The following BMERB1 variants were observed in gnomAD, a reference collection of about 807,000 sequenced individuals.
BMERB1 encodes the protein bMERB domain-containing protein 1.
Under a neutral mutation model 23.6 loss-of-function variants are expected in BMERB1, and 12 were observed. The ratio of observed to expected loss-of-function variants is 0.51; its 90% CI spans 0.33 to 0.82. The LOEUF (loss-of-function observed/expected upper bound fraction) is 0.82. Ranked by LOEUF, BMERB1 falls within the 40% of genes least tolerant of loss-of-function variation. The pLI, the probability that BMERB1 is intolerant of heterozygous loss-of-function variation, is 0.03. For synonymous variants in BMERB1, 122 were observed against 96.6 expected (o/e 1.26, Z -1.54); for missense variants, 247 against 255.4 (o/e 0.97, Z 0.22).
At chr16:15,489,678 G>C (rs1393419489) in intron 1 of BMERB1, among the ~76,000 whole-genome samples, 1 of 152,086 alleles carries the variant, frequency 6.6e-6, no homozygotes, top group Non-Finnish European at 1.5e-5. Context: ...TTTCTGACGT[G>C]GGTCCTCCAT....
chr16:15,555,074 C>A (rs566590938), intron 2 of BMERB1, among the ~76,000 whole-genome samples: 1 of 152,118 alleles, frequency 6.6e-6, no homozygotes, highest in East Asian at 1.9e-4. Context: ...TGGAAACCCA[C>A]GTCAAGAAAA....
intron 2 of BMERB1, among the ~76,000 whole-genome samples, chr16:15,546,026 C>T (rs1374743934): frequency 6.6e-6 from 1 of 152,102 alleles, no homozygotes; most frequent in Non-Finnish European, 1.5e-5. Flanking sequence ...GGGGCTCACG[C>T]CTGTAATCCC....
At chr16:15,528,445 A>G (rs1300118838) in intron 2 of BMERB1, among the ~76,000 whole-genome samples, 1 of 152,168 alleles carries the variant, frequency 6.6e-6, no homozygotes, top group Non-Finnish European at 1.5e-5. Context: ...AAACATTTAC[A>G]CCATAGCAAA....
At chr16:15,449,238 T>G (rs1309491961) in intron 1 of BMERB1, among the ~76,000 whole-genome samples, 1 of 152,214 alleles carries the variant, frequency 6.6e-6, no homozygotes, top group East Asian at 1.9e-4. Context: ...CTATGGTCTT[T>G]GCAGCAACAT....
rs1023803992 is a variant in BMERB1 at position 15,568,017 on chromosome 16, G to C, written c.265G>C (p.Asp89His). Residue 89 changes from aspartate to histidine, a missense_variant, in exon 3 of 6, where the codon GAC becomes CAC. Asp to His is a moderately conservative substitution (Grantham distance 81). Coordinates refer to ENST00000300006, the MANE Select transcript of BMERB1 (RefSeq NM_033201.3). ...CATCCAGCTCTGCAAGGACATCATGGACTTGAAGCAGGAGCTGCAGAACTT... is the reference window on the plus strand; with the variant it reads ...CATCCAGCTCTGCAAGGACATCATGCACTTGAAGCAGGAGCTGCAGAACTT... Reference protein sequence around the residue: ...DDIQLCKDIMDLKQELQNLVA... With the variant: ...DDIQLCKDIMHLKQELQNLVA... The C allele has an allele frequency of 5.0e-6, 8 of 1,614,022 alleles. No individual in the cohort carries two copies. The Admixed American group carries it at 5.0e-5, about 10-fold the overall frequency.
At chr16:15,437,676 A>C (rs1315307300) in intron 1 of BMERB1, among the ~76,000 whole-genome samples, 1 of 152,160 alleles carries the variant, frequency 6.6e-6, no homozygotes, top group Non-Finnish European at 1.5e-5. Flanking sequence ...GTCAGGTATA[A>C]GGCCAGGCGC....
At chr16:15,493,736 A>AC (rs34178983) in intron 1 of BMERB1, among the ~76,000 whole-genome samples, 58,614 of 151,626 alleles carry the variant, frequency 0.39, 11,860 homozygotes, top group East Asian at 0.56. Flanking sequence ...GATATATCCC[A>AC]CCCTATTTCT....
intron 1 of BMERB1, among the ~76,000 whole-genome samples, chr16:15,436,829 T>C (rs888900352): frequency 6.6e-6 from 1 of 152,004 alleles, no homozygotes; most frequent in Non-Finnish European, 1.5e-5. Flanking sequence ...GAACTCTAAA[T>C]GCATCATTTC....
At chr16:15,514,432 C>A (rs886315765) in intron 1 of BMERB1, among the ~76,000 whole-genome samples, 1 of 152,162 alleles carries the variant, frequency 6.6e-6, no homozygotes, top group South Asian at 2.1e-4. Context: ...TGGGACCAGG[C>A]AGGAGCTGAC....
intron 1 of BMERB1, among the ~76,000 whole-genome samples, chr16:15,492,383 C>T (rs1220590495): frequency 6.6e-6 from 1 of 152,212 alleles, no homozygotes; most frequent in Non-Finnish European, 1.5e-5. Flanking sequence ...TCCTCTTCAT[C>T]TTCCATTGCA....
chr16:15,453,386 T>C (rs529178696), intron 1 of BMERB1, among the ~76,000 whole-genome samples: 1 of 152,244 alleles, frequency 6.6e-6, no homozygotes, highest in South Asian at 2.1e-4. Context: ...AAGGCCAGCT[T>C]GGCCAACACA....
chr16:15,568,510 C>T (rs2030639478), intron 3 of BMERB1, among the ~76,000 whole-genome samples: 1 of 152,004 alleles, frequency 6.6e-6, no homozygotes, highest in African/African-American at 2.4e-5. Context: ...TGGTGGCACA[C>T]ACCTGTAATC....
intron 3 of BMERB1, among the ~76,000 whole-genome samples, chr16:15,577,916 C>G (rs1226769578): frequency 1.3e-5 from 2 of 152,246 alleles, no homozygotes; most frequent in African/African-American, 2.4e-5. Flanking sequence ...CTCCTGAGAT[C>G]TCATCGGGAA....
intron 1 of BMERB1, among the ~76,000 whole-genome samples, chr16:15,453,643 G>A (rs183715518): frequency 2.3e-4 from 35 of 151,976 alleles, no homozygotes; most frequent in African/African-American, 7.2e-4. Flanking sequence ...AGGCCGAGGC[G>A]GGCAGATCAC....
At chr16:15,526,421 T>G (rs982467161) in intron 2 of BMERB1, among the ~76,000 whole-genome samples, 1 of 151,986 alleles carries the variant, frequency 6.6e-6, no homozygotes, top group Non-Finnish European at 1.5e-5. Flanking sequence ...ATCCCAGCAC[T>G]TTGGGAGGCT....
At chr16:15,569,543 C>A (rs2030671357) in intron 3 of BMERB1, among the ~76,000 whole-genome samples, 1 of 152,168 alleles carries the variant, frequency 6.6e-6, no homozygotes, top group Admixed American at 6.5e-5. Flanking sequence ...TCAGGCCACG[C>A]CTCCAACACT....
intron 2 of BMERB1, among the ~76,000 whole-genome samples, chr16:15,534,905 C>CA (rs984177213): frequency 1.3e-5 from 2 of 152,168 alleles, no homozygotes; most frequent in African/African-American, 2.4e-5. Flanking sequence ...TAATTCCAAG[C>CA]AAAAACCATT....
intron 1 of BMERB1, among the ~76,000 whole-genome samples, chr16:15,477,225 C>T (rs774816379): frequency 7.2e-5 from 11 of 152,002 alleles, no homozygotes; most frequent in South Asian, 6.2e-4. Flanking sequence ...CTTCATAGGG[C>T]GGCAGGAGAG....
chr16:15,466,401 C>T (rs1314850927), intron 1 of BMERB1, among the ~76,000 whole-genome samples: 1 of 151,974 alleles, frequency 6.6e-6, no homozygotes, highest in Non-Finnish European at 1.5e-5. Flanking sequence ...ATCCTGAGGT[C>T]GTACCCTTTT....
Sources: allele counts gnomAD v4.1 joint callset (sites outside exome capture counted in the v4.1 genomes callset), GRCh38; gene constraint gnomAD v4.1.1; transcripts MANE v1.5; gene names NCBI Gene and HGNC (gene_info 2026-07-23, HGNC 2026-07-21).